The following RHBDD1 variants were observed in gnomAD, a reference collection of about 807,000 sequenced individuals.
The protein encoded by RHBDD1 is rhomboid-related protein 4.
RHBDD1 carries 38 observed loss-of-function variants against 36.3 expected under a neutral mutation model. That is an observed-to-expected ratio of 1.05 (90% CI 0.81 to 1.37). RHBDD1 has a LOEUF of 1.37. Ranked by LOEUF, RHBDD1 falls within the 40% of genes most tolerant of loss-of-function variation. RHBDD1 has a pLI of 0.00. For missense variants in RHBDD1, 393 were observed against 377.6 expected (o/e 1.04, Z -0.34); for synonymous variants, 151 against 136.5 (o/e 1.11, Z -0.74).
intron 3 of RHBDD1, among the ~76,000 whole-genome samples, chr2:226,849,646 G>A (rs1049180173): frequency 6.6e-6 from 1 of 152,228 alleles, no homozygotes; most frequent in African/African-American, 2.4e-5. Flanking sequence ...TGACAACACA[G>A]CAACGACAGA....
intron 3 of RHBDD1, among the ~76,000 whole-genome samples, chr2:226,845,647 G>T (rs1212519101): frequency 1.3e-5 from 2 of 152,170 alleles, no homozygotes; most frequent in African/African-American, 4.8e-5. Flanking sequence ...GCTTCTGTTT[G>T]TTGGGAATGT....
At chr2:226,966,819 G>T (rs527639099) in intron 8 of RHBDD1, among the ~76,000 whole-genome samples, 41 of 149,238 alleles carry the variant, frequency 2.7e-4, no homozygotes, top group African/African-American at 1.0e-3. Context: ...ACAGGCATAG[G>T]CCACCACATT....
At chr2:226,860,740 A>G (rs1198895621) in intron 3 of RHBDD1, among the ~76,000 whole-genome samples, 1 of 152,184 alleles carries the variant, frequency 6.6e-6, no homozygotes, top group African/African-American at 2.4e-5. Flanking sequence ...TGTTCTACCT[A>G]CACTGGGACT....
chr2:226,992,641 T>G (rs1454235982), intron 8 of RHBDD1, among the ~76,000 whole-genome samples: 1 of 152,184 alleles, frequency 6.6e-6, no homozygotes, highest in Non-Finnish European at 1.5e-5. Flanking sequence ...CCCACAGAAT[T>G]GAGAACTTAG....
intron 8 of RHBDD1, among the ~76,000 whole-genome samples, chr2:226,943,859 A>ATT (rs1236768322): frequency 6.6e-6 from 1 of 152,124 alleles, no homozygotes; most frequent in Non-Finnish European, 1.5e-5. Context: ...AGCCTTCATT[A>ATT]TTTGCTCATT....
chr2:226,836,298 C>T (rs977255669), intron 1 of RHBDD1: 1 of 152,418 alleles, frequency 6.6e-6, no homozygotes, highest in Non-Finnish European at 1.5e-5. Context: ...AGGGCGTTTC[C>T]TGGGGTAACT....
At chr2:226,828,208 A>T in the RHBDD1 span, among the ~76,000 whole-genome samples, 1 of 152,190 alleles carries the variant, frequency 6.6e-6, no homozygotes, top group Non-Finnish European at 1.5e-5. Context: ...ATGTAAATGG[A>T]ATCACACTAT....
the RHBDD1 span, among the ~76,000 whole-genome samples, chr2:226,802,024 C>T: frequency 2.0e-5 from 3 of 151,962 alleles, no homozygotes; most frequent in South Asian, 6.2e-4. Flanking sequence ...CCCTCCACCC[C>T]CCACCCCCCA....
At chr2:226,837,318 G>A (rs1010222814) in intron 1 of RHBDD1, among the ~76,000 whole-genome samples, 10 of 152,196 alleles carry the variant, frequency 6.6e-5, no homozygotes, top group African/African-American at 1.2e-4. Flanking sequence ...ATTCTTCAGC[G>A]GGGTAGATAT....
intron 1 of RHBDD1, among the ~76,000 whole-genome samples, chr2:226,837,297 G>T (rs1406183932): frequency 6.6e-6 from 1 of 152,184 alleles, no homozygotes; most frequent in Non-Finnish European, 1.5e-5. Flanking sequence ...TACATAGTTT[G>T]TGCTGGAAGG....
At chr2:226,816,392 A>G in the RHBDD1 span, among the ~76,000 whole-genome samples, 225 of 151,484 alleles carry the variant, frequency 1.5e-3, no homozygotes, top group Middle Eastern at 3.4e-3. Context: ...AAAAAAAAAA[A>G]AAAAGAAAAA....
intron 5 of RHBDD1, among the ~76,000 whole-genome samples, chr2:226,884,468 C>T (rs1946048649): frequency 6.6e-6 from 1 of 152,092 alleles, no homozygotes; most frequent in East Asian, 1.9e-4. Context: ...TAATTTATCT[C>T]TCCTTAAATG....
At chr2:226,930,025 A>C (rs1949925733) in intron 8 of RHBDD1, among the ~76,000 whole-genome samples, 1 of 152,014 alleles carries the variant, frequency 6.6e-6, no homozygotes, top group Non-Finnish European at 1.5e-5. Flanking sequence ...CAAACAAACA[A>C]ATGTATGTCC....
chr2:226,954,248 G>A (rs1243787773), intron 8 of RHBDD1, among the ~76,000 whole-genome samples: 1 of 152,154 alleles, frequency 6.6e-6, no homozygotes, highest in Non-Finnish European at 1.5e-5. Context: ...CAGGAAAGAA[G>A]TGATTAATTA....
chr2:226,827,854 A>G, the RHBDD1 span, among the ~76,000 whole-genome samples: 4 of 152,184 alleles, frequency 2.6e-5, no homozygotes, highest in African/African-American at 9.6e-5. Context: ...TAGCATGTGG[A>G]TGGGTAGGGC....
intron 8 of RHBDD1, among the ~76,000 whole-genome samples, chr2:226,986,824 A>G (rs1194372807): frequency 6.6e-6 from 1 of 152,264 alleles, no homozygotes; most frequent in Non-Finnish European, 1.5e-5. Context: ...GCAATCCATT[A>G]CTGGGTATAT....
chr2:226,815,636 A>G, the RHBDD1 span, among the ~76,000 whole-genome samples: 5 of 152,244 alleles, frequency 3.3e-5, no homozygotes, highest in African/African-American at 4.8e-5. Flanking sequence ...AGGCAAAAGT[A>G]AAGATTAGAA....
Position 226,925,993 on chromosome 2 carries a change from G to C in RHBDD1, c.856+11642G>C, listed in dbSNP as rs1949642212. On this transcript the variant is annotated intron_variant, in intron 8 of 8. Coordinates refer to ENST00000392062, the MANE Select transcript of RHBDD1 (RefSeq NM_001167608.3). ...GAGGAGAGGGAGGGAGGATAGAAGA[G>C]AGAAACTAGAATTGTTTGGGCTGAA... Among the ~76,000 whole-genome samples, 3 of 152,068 alleles carry C rather than the reference G, an allele frequency of 2.0e-5. 1 individual carries two copies. In the South Asian group the frequency reaches 6.2e-4, roughly 31 times the overall value.
At chr2:226,813,712 C>G in the RHBDD1 span, among the ~76,000 whole-genome samples, 1 of 152,094 alleles carries the variant, frequency 6.6e-6, no homozygotes, top group Non-Finnish European at 1.5e-5. Context: ...GAGTTTTGAA[C>G]AGATGATACT....
Sources: allele counts gnomAD v4.1 joint callset (sites outside exome capture counted in the v4.1 genomes callset), GRCh38; gene constraint gnomAD v4.1.1; transcripts MANE v1.5; gene names NCBI Gene and HGNC (gene_info 2026-07-23, HGNC 2026-07-21).